The following SUPT3H variants were observed in gnomAD, a reference collection of about 807,000 sequenced individuals.
SUPT3H encodes the protein transcription initiation protein SPT3 homolog.
In SUPT3H, 44 loss-of-function variants were observed where a neutral mutation model predicts 44.3. The ratio of observed to expected loss-of-function variants is 0.99; its 90% CI spans 0.78 to 1.28. SUPT3H has a LOEUF of 1.28. Among genes scored for constraint, SUPT3H ranks in the 50% most tolerant of loss-of-function variants. The pLI is 0.00. For synonymous variants in SUPT3H, 124 were observed against 125.6 expected, an observed-to-expected ratio of 0.99 and a Z score of 0.09; for missense variants, 380 against 387.1, an observed-to-expected ratio of 0.98 and a Z score of 0.15.
chr6:45,116,033 A>C (rs1451051926), intron 2 of SUPT3H, among the ~76,000 whole-genome samples: 1 of 152,048 alleles, frequency 6.6e-6, no homozygotes, highest in East Asian at 1.9e-4. Flanking sequence ...CTTCCTGAAA[A>C]CCCAAAAGAT....
At chr6:45,164,801 AT>A (rs1449880968) in intron 2 of SUPT3H, among the ~76,000 whole-genome samples, 5 of 152,158 alleles carry the variant, frequency 3.3e-5, no homozygotes, top group African/African-American at 2.4e-5. Flanking sequence ...GTATAGTAAA[AT>A]TTTTCGGAAG....
intron 10 of SUPT3H, among the ~76,000 whole-genome samples, chr6:44,859,760 C>A (rs1774316203): frequency 6.6e-6 from 1 of 152,136 alleles, no homozygotes; most frequent in African/African-American, 2.4e-5. Context: ...TTTTCTAGTT[C>A]TCTTCCAAAA....
At chr6:45,068,402 A>G (rs909871796) in intron 3 of SUPT3H, among the ~76,000 whole-genome samples, 5 of 149,346 alleles carry the variant, frequency 3.3e-5, no homozygotes, top group African/African-American at 1.2e-4. Context: ...AGCATGGCAC[A>G]TGTATACATA....
At chr6:45,036,632 T>C (rs1224409412) in intron 3 of SUPT3H, among the ~76,000 whole-genome samples, 2 of 152,092 alleles carry the variant, frequency 1.3e-5, no homozygotes, top group African/African-American at 4.8e-5. Context: ...GCCTTCATAA[T>C]CTGAGGAAAA....
At chr6:45,304,241 A>G in intron 2 of SUPT3H, among the ~76,000 whole-genome samples, 1 of 152,198 alleles carries the variant, frequency 6.6e-6, no homozygotes, top group East Asian at 1.9e-4. Flanking sequence ...ATTAAAAGAC[A>G]TTTAAAACTG....
chr6:45,098,907 A>G (rs1046161729), intron 3 of SUPT3H: 2 of 532,968 alleles, frequency 3.8e-6, no homozygotes, highest in Non-Finnish European at 7.5e-6. Flanking sequence ...GACTCAACAT[A>G]AAATGGGGAA....
intron 10 of SUPT3H, among the ~76,000 whole-genome samples, chr6:44,858,596 C>G (rs1243425903): frequency 2.0e-5 from 3 of 152,112 alleles, no homozygotes; most frequent in Non-Finnish European, 4.4e-5. Context: ...CCATATAAAA[C>G]TGTTGGCATT....
At chr6:44,933,099 T>TAA (rs34743141) in intron 9 of SUPT3H, among the ~76,000 whole-genome samples, 3 of 151,766 alleles carry the variant, frequency 2.0e-5, no homozygotes, top group African/African-American at 7.3e-5. Context: ...GTTATTTTTT[T>TAA]AAAAAAAACA....
chr6:45,323,939 T>C lies in SUPT3H; in HGVS notation c.101+41262A>G, dbSNP rs1478196500. Among the ~76,000 whole-genome samples the C allele has an allele frequency of 5.3e-5, 8 of 152,086 alleles. No individual in the cohort carries two copies. The East Asian group carries it at 1.3e-3, about 26-fold the overall frequency. ...TTCTCCCTAGATACGTTAAATAGCA[T>C]AGCTGGGATATTATTTTTCTTTGGT... On this transcript the variant is annotated intron_variant, in intron 2 of 10. Transcript: ENST00000371459.
At chr6:44,917,175 T>G (rs1008226463) in intron 10 of SUPT3H, among the ~76,000 whole-genome samples, 1 of 152,022 alleles carries the variant, frequency 6.6e-6, no homozygotes, top group African/African-American at 2.4e-5. Context: ...AAAAAATTGC[T>G]AATTTTAACA....
chr6:45,056,748 T>C (rs1583288871), intron 3 of SUPT3H, among the ~76,000 whole-genome samples: 2 of 152,172 alleles, frequency 1.3e-5, no homozygotes, highest in Middle Eastern at 3.4e-3. Context: ...TTGGGGAAAG[T>C]GTACACTGCG....
chr6:45,096,366 T>C (rs1037764769), intron 3 of SUPT3H, among the ~76,000 whole-genome samples: 1 of 152,168 alleles, frequency 6.6e-6, no homozygotes, highest in Non-Finnish European at 1.5e-5. Flanking sequence ...AATCGAAAGC[T>C]TTATATAGAT....
Position 45,014,847 on chromosome 6 carries a change from G to A in SUPT3H, c.318C>T (p.Tyr106=), listed in dbSNP as rs755003682. Residue 106 remains tyrosine, a synonymous_variant, in exon 5 of 11, where the codon TAC becomes TAT. Coordinates refer to ENST00000371459, the MANE Select transcript of SUPT3H (RefSeq NM_003599.4). ...RLLKYMFIRD[Y]KSKIVKGIDE... is the part of the protein sequence containing the mutation. The stretch of plus-strand genomic sequence containing the variant: ...CGATGCCTTTGACAATCTTTGATTT[G>A]TAGTCTCGGATAAACATGTATTTTA... The A allele has an allele frequency of 2.5e-6, 4 of 1,593,202 alleles. No homozygotes were observed. The highest frequency in any genetic ancestry group is 1.8e-5 in the Admixed American group (1 of 56,822).
At chr6:45,145,456 G>T (rs1316089208) in intron 2 of SUPT3H, among the ~76,000 whole-genome samples, 1 of 152,102 alleles carries the variant, frequency 6.6e-6, no homozygotes, top group Admixed American at 6.6e-5. Context: ...GGGATAACTG[G>T]CAAGCTACAT....
At chr6:44,815,420 A>G (rs1216121804) in intron 11 of SUPT3H, among the ~76,000 whole-genome samples, 1 of 152,190 alleles carries the variant, frequency 6.6e-6, no homozygotes, top group East Asian at 1.9e-4. Flanking sequence ...AAAATGGGTT[A>G]AAAAGCAACA....
At chr6:44,831,741 G>A (rs569289436) in intron 10 of SUPT3H, among the ~76,000 whole-genome samples, 2 of 151,624 alleles carry the variant, frequency 1.3e-5, no homozygotes, top group African/African-American at 2.4e-5. Context: ...GGCTTAGAGG[G>A]AGACTGAGTC....
chr6:45,156,748 A>AAT (rs200535953), intron 2 of SUPT3H, among the ~76,000 whole-genome samples: 3,093 of 151,080 alleles, frequency 0.02, 40 homozygotes, highest in Non-Finnish European at 0.032. Context: ...GTTTTCTCTT[A>AAT]ATATATATAT....
intron 2 of SUPT3H, among the ~76,000 whole-genome samples, chr6:45,172,399 T>C (rs940430162): frequency 1.3e-5 from 2 of 152,008 alleles, no homozygotes; most frequent in Non-Finnish European, 2.9e-5. Context: ...CTATAAAATA[T>C]TATCCTTACA....
At chr6:45,066,293 G>T (rs1452510778) in intron 3 of SUPT3H, among the ~76,000 whole-genome samples, 1 of 151,580 alleles carries the variant, frequency 6.6e-6, no homozygotes. Flanking sequence ...AATAAATTAG[G>T]TATTGATGGG....
Sources: allele counts gnomAD v4.1 joint callset (sites outside exome capture counted in the v4.1 genomes callset), GRCh38; gene constraint gnomAD v4.1.1; transcripts MANE v1.5; gene names NCBI Gene and HGNC (gene_info 2026-07-23, HGNC 2026-07-21).